The following ARHGEF4 variants were observed in gnomAD, a reference collection of about 807,000 sequenced individuals.
ARHGEF4 encodes the protein APC-stimulated guanine nucleotide exchange factor 1.
In ARHGEF4, 119 loss-of-function variants were observed where a neutral mutation model predicts 162.0. The observed-to-expected ratio is 0.73, with a 90% CI of 0.63 to 0.86. The LOEUF is 0.86. Among genes scored for constraint, ARHGEF4 ranks in the 40% least tolerant of loss-of-function variants. ARHGEF4 has a pLI of 0.00. For missense variants in ARHGEF4, 2,488 were observed against 2,456.0 expected (o/e 1.01, Z -0.28); for synonymous variants, 1,014 against 979.9 (o/e 1.03, Z -0.65).
At position 131,040,509 on chromosome 2, in the gene ARHGEF4, GAC is replaced by G. The variant is rs1236019844; in HGVS notation, c.4662+71_4662+72del. The G allele has an allele frequency of 4.8e-6, 7 of 1,465,778 alleles. No individual in the cohort carries two copies. The African/African-American group carries it at 8.5e-5, about 18-fold the overall frequency. 90.8% of individuals were successfully genotyped at this position (1,465,778 alleles called of 1,614,324 possible). A position where few individuals can be genotyped will look rare whatever the true frequency, so the allele number is the denominator to read the frequency against. ...AGAGGCTGCCGCGGGCGCCAGCGCGGACAGCGGGTGGCTGGTCCCAAAACCTT... is the reference window on the plus strand; with the variant it reads ...AGAGGCTGCCGCGGGCGCCAGCGCGGAGCGGGTGGCTGGTCCCAAAACCTT... On this transcript the variant is annotated intron_variant, in intron 8 of 13. Coordinates refer to ENST00000409359, the MANE Select transcript of ARHGEF4 (RefSeq NM_001367493.1).
chr2:130,899,965 T>G (rs543408520), intron 1 of ARHGEF4, among the ~76,000 whole-genome samples: 1 of 152,360 alleles, frequency 6.6e-6, no homozygotes, highest in East Asian at 1.9e-4. Flanking sequence ...TTTAAAACTT[T>G]CCTTGAGACT....
At chr2:130,875,220 A>G (rs1490603495) in intron 1 of ARHGEF4, among the ~76,000 whole-genome samples, 1 of 152,000 alleles carries the variant, frequency 6.6e-6, no homozygotes, top group African/African-American at 2.4e-5. Context: ...GTTCCTCCAC[A>G]TACAAACTCT....
At chr2:130,957,108 C>A (rs1684332759) in intron 4 of ARHGEF4, among the ~76,000 whole-genome samples, 1 of 148,044 alleles carries the variant, frequency 6.8e-6, no homozygotes, top group African/African-American at 2.4e-5. Flanking sequence ...ATAAAACTTA[C>A]CCTTTTAAAG....
chr2:131,031,441 G>A (rs935187551), intron 5 of ARHGEF4, among the ~76,000 whole-genome samples: 2 of 152,226 alleles, frequency 1.3e-5, no homozygotes, highest in Non-Finnish European at 2.9e-5. Context: ...TACATGTAAC[G>A]TGTGTAGTGA....
intron 5 of ARHGEF4, among the ~76,000 whole-genome samples, chr2:131,037,594 A>G (rs1418815000): frequency 6.7e-6 from 1 of 150,344 alleles, no homozygotes; most frequent in East Asian, 2.0e-4. Context: ...CGTGGACCTC[A>G]CCTCCTGTGC....
intron 3 of ARHGEF4, among the ~76,000 whole-genome samples, chr2:130,936,749 CAGTGTA>C (rs1363916746): frequency 6.6e-6 from 1 of 152,096 alleles, no homozygotes; most frequent in Non-Finnish European, 1.5e-5. Context: ...CAATGTGTCT[CAGTGTA>C]AGTCTTTATG....
At chr2:130,947,518 A>C (rs1266611745) in intron 4 of ARHGEF4, among the ~76,000 whole-genome samples, 1 of 152,170 alleles carries the variant, frequency 6.6e-6, no homozygotes, top group Non-Finnish European at 1.5e-5. Context: ...AGACAGAATC[A>C]TGTAGGGAGC....
intron 4 of ARHGEF4, among the ~76,000 whole-genome samples, chr2:130,996,287 T>G (rs900128805): frequency 6.6e-6 from 1 of 152,250 alleles, no homozygotes; most frequent in Non-Finnish European, 1.5e-5. Context: ...CCTGTGCCCG[T>G]TCCCTCTGTG....
At chr2:130,837,246 C>T (rs555394260) in intron 1 of ARHGEF4, among the ~76,000 whole-genome samples, 21 of 152,158 alleles carry the variant, frequency 1.4e-4, no homozygotes, top group Non-Finnish European at 2.5e-4. Context: ...CGGCCCGGGG[C>T]GAGCCCCTGA....
In ARHGEF4 at chr2:130,986,006, T is replaced by A. The variant is rs954833813; in HGVS notation, c.3985+39371T>A. Among the ~76,000 whole-genome samples, 3 of 151,840 alleles carry A rather than the reference T, an allele frequency of 2.0e-5. 1 individual carries two copies. In the South Asian group the frequency reaches 6.3e-4, roughly 32 times the overall value. The stretch of plus-strand genomic sequence containing the variant: ...TTGTGTGTGGTATGTGTTGAACATG[T>A]ATGATGTGTGTTGTGCGTGCATGTT... On this transcript the variant is annotated intron_variant, in intron 4 of 13. Transcript: ENST00000409359.
At chr2:130,974,301 C>G (rs1685554519) in intron 4 of ARHGEF4, among the ~76,000 whole-genome samples, 1 of 151,180 alleles carries the variant, frequency 6.6e-6, no homozygotes, top group Non-Finnish European at 1.5e-5. Flanking sequence ...GAAACATGGG[C>G]TATCAAGAAC....
intron 12 of ARHGEF4, 25 bp downstream of exon 12, chr2:131,044,567 C>A (rs1294555451): frequency 6.5e-7 from 1 of 1,540,366 alleles, no homozygotes; most frequent in Admixed American, 2.0e-5. Flanking sequence ...TGGGCCTTGC[C>A]CCGCCCCCAG....
chr2:130,922,967 G>A (rs532463153), intron 2 of ARHGEF4, among the ~76,000 whole-genome samples: 111 of 150,384 alleles, frequency 7.4e-4, no homozygotes, highest in African/African-American at 2.5e-3. Flanking sequence ...GTCTTGCTCC[G>A]TCACCCAGGC....
chr2:130,953,389 C>T (rs943086877), intron 4 of ARHGEF4, among the ~76,000 whole-genome samples: 2 of 152,112 alleles, frequency 1.3e-5, no homozygotes, highest in African/African-American at 4.8e-5. Context: ...TTCCTTGCAC[C>T]TTATACAATA....
Position 130,916,788 on chromosome 2 carries a change from C to G in ARHGEF4, c.2842C>G (p.Arg948Gly), listed in dbSNP as rs1681526474. The part of the protein sequence containing the change: ...PKGEKEKSRL[R>G]QGSWRAFLKS... Reference sequence around the variant, plus strand: ...GGGCGAGAAGGAGAAGAGCAGGCTGCGCCAGGGTTCCTGGCGGGCGTTTCT... The same window carrying G: ...GGGCGAGAAGGAGAAGAGCAGGCTGGGCCAGGGTTCCTGGCGGGCGTTTCT... Residue 948 changes from arginine (R) to glycine (G), a missense_variant, in exon 2 of 14, where the codon CGC (arginine) becomes GGC (glycine). Coordinates refer to ENST00000409359, the MANE Select transcript of ARHGEF4 (RefSeq NM_001367493.1). The G allele has an allele frequency of 6.4e-7, 1 of 1,550,512 alleles. No individual in the cohort carries two copies. Among genetic ancestry groups the G allele is most frequent in the Non-Finnish European group, 8.7e-7 (1 of 1,147,006 alleles).
chr2:130,991,241 C>T (rs1686933118), intron 4 of ARHGEF4, among the ~76,000 whole-genome samples: 2 of 152,202 alleles, frequency 1.3e-5, no homozygotes, highest in Non-Finnish European at 2.9e-5. Flanking sequence ...GATACTAGAC[C>T]GAAAACCTGC....
chr2:131,032,836 C>CTTTTCTTTTCTT (rs1379351059), intron 5 of ARHGEF4, among the ~76,000 whole-genome samples: 1 of 142,592 alleles, frequency 7.0e-6, no homozygotes, highest in Non-Finnish European at 1.5e-5. Flanking sequence ...CTTTTCTTTT[C>CTTTTCTTTTCTT]TTTTCTTTTT....
chr2:130,968,746 C>G (rs974668437), intron 4 of ARHGEF4, among the ~76,000 whole-genome samples: 3 of 152,046 alleles, frequency 2.0e-5, no homozygotes, highest in African/African-American at 7.2e-5. Context: ...AGTGAAACCC[C>G]GTCTCTACTA....
chr2:130,949,365 A>T (rs1056682929), intron 4 of ARHGEF4, among the ~76,000 whole-genome samples: 2 of 151,364 alleles, frequency 1.3e-5, no homozygotes, highest in South Asian at 2.1e-4. Flanking sequence ...TTATTTATTT[A>T]TTTTTTGAGA....
Sources: gnomAD v4.1 joint callset for allele counts (sites outside exome capture counted in the v4.1 genomes callset) on GRCh38, gnomAD v4.1.1 for gene constraint, MANE v1.5 for transcripts, NCBI Gene and HGNC (gene_info 2026-07-23, HGNC 2026-07-21) for gene names.